ADIPOR2: variants seen among roughly 807,000 people sequenced by gnomAD.
The protein encoded by ADIPOR2 is adiponectin receptor 2.
A neutral mutation model predicts 40.9 loss-of-function variants in ADIPOR2; 18 were observed. That is an observed-to-expected ratio of 0.44 (90% CI 0.30 to 0.65). ADIPOR2 has a LOEUF of 0.65. Ranked by LOEUF, ADIPOR2 falls within the 30% of genes least tolerant of loss-of-function variation. The pLI is 0.09. For missense variants in ADIPOR2, 283 were observed against 479.2 expected (o/e 0.59, Z 3.82); for synonymous variants, 165 against 166.4 (o/e 0.99, Z 0.06).
intron 1 of ADIPOR2, among the ~76,000 whole-genome samples, chr12:1,702,127 CAAAT>C (rs958245570): frequency 4.3e-5 from 6 of 139,762 alleles, no homozygotes; most frequent in Non-Finnish European, 7.8e-5. Context: ...TCTTAAAAAA[CAAAT>C]GAACAAACAG....
At chr12:1,729,617 G>GTTT (rs56921758) in intron 1 of ADIPOR2, among the ~76,000 whole-genome samples, 1,769 of 87,398 alleles carry the variant, frequency 0.02, 28 homozygotes, top group African/African-American at 0.031. Context: ...TCAGCCAGTT[G>GTTT]TTTTTTTTTT....
At chr12:1,712,469 G>A (rs746613489) in intron 1 of ADIPOR2, among the ~76,000 whole-genome samples, 15 of 152,092 alleles carry the variant, frequency 9.9e-5, no homozygotes, top group Admixed American at 2.6e-4. Context: ...GCAACTACAC[G>A]TAAACAGTGA....
chr12:1,769,826 G>A (rs1350771606), intron 2 of ADIPOR2, among the ~76,000 whole-genome samples: 1 of 152,030 alleles, frequency 6.6e-6, no homozygotes, highest in Non-Finnish European at 1.5e-5. Flanking sequence ...ACAGATGTGC[G>A]ACACTGTGCC....
At chr12:1,775,728 C>A (rs1466553380) in intron 3 of ADIPOR2, among the ~76,000 whole-genome samples, 4 of 152,164 alleles carry the variant, frequency 2.6e-5, no homozygotes, top group African/African-American at 7.2e-5. Context: ...CAATAGTGGT[C>A]TTTTCCCAAA....
chr12:1,715,785 A>T (rs2094686334), intron 1 of ADIPOR2, among the ~76,000 whole-genome samples: 1 of 152,188 alleles, frequency 6.6e-6, no homozygotes, highest in East Asian at 1.9e-4. Context: ...TGCGCCAGTC[A>T]GCGCTCTGTA....
chr12:1,777,382 CTTTT>C (rs59141974), intron 3 of ADIPOR2, among the ~76,000 whole-genome samples: 4 of 98,744 alleles, frequency 4.1e-5, no homozygotes, highest in Non-Finnish European at 4.2e-5. Flanking sequence ...TTTTTTCTTT[CTTTT>C]TTTTTTTTTT....
chr12:1,728,176 G>C (rs1287485128), intron 1 of ADIPOR2, among the ~76,000 whole-genome samples: 1 of 151,354 alleles, frequency 6.6e-6, no homozygotes, highest in African/African-American at 2.4e-5. Flanking sequence ...GCAGTGGCGC[G>C]ATCTCAGCTC....
chr12:1,717,816 T>C (rs898816934), intron 1 of ADIPOR2, among the ~76,000 whole-genome samples: 1 of 152,194 alleles, frequency 6.6e-6, no homozygotes, highest in Non-Finnish European at 1.5e-5. Flanking sequence ...AACAAATTTT[T>C]AGTAAAATAT....
At chr12:1,729,110 A>G (rs2094714313) in intron 1 of ADIPOR2, among the ~76,000 whole-genome samples, 1 of 152,100 alleles carries the variant, frequency 6.6e-6, no homozygotes. Context: ...TTTTGTCAGT[A>G]GATCATCATC....
At chr12:1,737,345 G>GA (rs2094733031) in intron 1 of ADIPOR2, among the ~76,000 whole-genome samples, 1 of 151,468 alleles carries the variant, frequency 6.6e-6, no homozygotes, top group Non-Finnish European at 1.5e-5. Context: ...TTTTGTTGTT[G>GA]TTTTTTTTCT....
intron 2 of ADIPOR2, among the ~76,000 whole-genome samples, chr12:1,764,421 T>C (rs1397553454): frequency 6.6e-6 from 1 of 152,040 alleles, no homozygotes; most frequent in African/African-American, 2.4e-5. Flanking sequence ...AATAGTTTGG[T>C]AAAAGGAAAA....
At chr12:1,726,008 G>A (rs561356402) in intron 1 of ADIPOR2, among the ~76,000 whole-genome samples, 1 of 151,892 alleles carries the variant, frequency 6.6e-6, no homozygotes, top group South Asian at 2.1e-4. Flanking sequence ...ACAATCTGTT[G>A]GTTTTAAAAA....
intron 2 of ADIPOR2, among the ~76,000 whole-genome samples, chr12:1,769,553 T>G (rs1176397164): frequency 6.6e-6 from 1 of 152,246 alleles, no homozygotes; most frequent in Non-Finnish European, 1.5e-5. Context: ...GAAGGAAATA[T>G]TTTTGTTTTT....
At chr12:1,715,373 G>T (rs530188255) in intron 1 of ADIPOR2, among the ~76,000 whole-genome samples, 1 of 151,984 alleles carries the variant, frequency 6.6e-6, no homozygotes, top group African/African-American at 2.4e-5. Flanking sequence ...AAAATGAGCC[G>T]CCTCTTTTTC....
chr12:1,748,304 A>C (rs962296787), intron 1 of ADIPOR2, among the ~76,000 whole-genome samples: 2 of 152,048 alleles, frequency 1.3e-5, no homozygotes, highest in African/African-American at 2.4e-5. Flanking sequence ...GCTGGAGTGC[A>C]GTGGCGCGAT....
intron 1 of ADIPOR2, among the ~76,000 whole-genome samples, chr12:1,711,646 CTCTTTCTG>C: frequency 7.0e-6 from 1 of 142,442 alleles, no homozygotes; most frequent in Non-Finnish European, 1.5e-5. Context: ...CTCTCTTTCT[CTCTTTCTG>C]ACTTCTTTTC....
intron 1 of ADIPOR2, among the ~76,000 whole-genome samples, chr12:1,693,141 G>A (rs764027952): frequency 2.6e-5 from 4 of 152,110 alleles, no homozygotes; most frequent in Non-Finnish European, 5.9e-5. Context: ...GACAACAAGA[G>A]CGAAACTCCG....
At chr12:1,748,288 GC>G (rs1334384603) in intron 1 of ADIPOR2, among the ~76,000 whole-genome samples, 1 of 151,634 alleles carries the variant, frequency 6.6e-6, no homozygotes, top group Admixed American at 6.6e-5. Context: ...TCTCTCTGTC[GC>G]CCAGGCTGGA....
At chr12:1,696,747 A>T (rs1017561128) in intron 1 of ADIPOR2, 1 of 152,992 alleles carries the variant, frequency 6.5e-6, no homozygotes, top group Non-Finnish European at 1.5e-5. Context: ...TTACCCTGGA[A>T]TTCTGCATCA....
Sources: gnomAD v4.1 joint callset for allele counts (sites outside exome capture counted in the v4.1 genomes callset) on GRCh38, gnomAD v4.1.1 for gene constraint, MANE v1.5 for transcripts, NCBI Gene and HGNC (gene_info 2026-07-23, HGNC 2026-07-21) for gene names.